The following USP43 variants were observed in gnomAD, a reference collection of about 807,000 sequenced individuals.
USP43 encodes ubiquitin carboxyl-terminal hydrolase 43.
A neutral mutation model predicts 90.7 loss-of-function variants in USP43; 33 were observed. That is an observed-to-expected ratio of 0.36 (90% CI 0.28 to 0.49). USP43 has a LOEUF of 0.49. Among genes scored for constraint, USP43 ranks in the 20% least tolerant of loss-of-function variants. The pLI is 0.98. For missense variants in USP43, 1,274 were observed against 1,476.4 expected, an observed-to-expected ratio of 0.86 and a Z score of 2.25; for synonymous variants, 598 against 615.8, an observed-to-expected ratio of 0.97 and a Z score of 0.43.
chr17:9,647,848 C>A (rs935906136), intron 1 of USP43, among the ~76,000 whole-genome samples: 8,008 of 81,834 alleles, frequency 0.098, 475 homozygotes, highest in East Asian at 0.11. Context: ...ACTAAAAATC[C>A]AAAAAAAAAA....
intron 2 of USP43, among the ~76,000 whole-genome samples, chr17:9,666,198 A>G (rs1445239081): frequency 6.6e-6 from 1 of 152,084 alleles, no homozygotes; most frequent in Non-Finnish European, 1.5e-5. Flanking sequence ...TGTGAAACTG[A>G]CTCCTGAGAA....
intron 5 of USP43, among the ~76,000 whole-genome samples, chr17:9,679,261 G>T (rs1477946390): frequency 6.6e-6 from 1 of 152,044 alleles, no homozygotes; most frequent in Non-Finnish European, 1.5e-5. Flanking sequence ...GAGTGCAGGG[G>T]TGTGATCATA....
rs929449651 is a variant in USP43, at chr17:9,695,941, G to A, written c.1457+2711G>A. On this transcript the variant is annotated intron_variant, in intron 9 of 14. Coordinates refer to ENST00000285199, the MANE Select transcript of USP43 (RefSeq NM_153210.5). ...TGAAGGTTCACCCATGTTGTAGCAC[G>A]CATTAGAATTTCCTTCCTTTTGAAG... Among the ~76,000 whole-genome samples the A allele has an allele frequency of 5.3e-5, 8 of 152,060 alleles. No individual in the cohort carries two copies. The East Asian group carries it at 7.7e-4, about 15-fold the overall frequency.
intron 13 of USP43, 121 bp downstream of exon 13, chr17:9,710,235 G>A (rs1190411720): frequency 1.1e-5 from 13 of 1,145,544 alleles, no homozygotes; most frequent in East Asian, 6.1e-5. Flanking sequence ...GAGGAAGCCC[G>A]GGATGCTGCT....
At chr17:9,699,085 A>G (rs1010185762) in intron 9 of USP43, among the ~76,000 whole-genome samples, 1 of 152,224 alleles carries the variant, frequency 6.6e-6, no homozygotes, top group Non-Finnish European at 1.5e-5. Flanking sequence ...AGCTGCTTCC[A>G]GGAAACGCAA....
intron 8 of USP43, among the ~76,000 whole-genome samples, chr17:9,690,258 A>C (rs1261632944): frequency 1.3e-5 from 2 of 152,134 alleles, no homozygotes; most frequent in Non-Finnish European, 2.9e-5. Flanking sequence ...AATTCAACCT[A>C]GGTTTCCTCC....
intron 8 of USP43, among the ~76,000 whole-genome samples, chr17:9,692,896 A>G (rs2151982986): frequency 6.6e-6 from 1 of 152,294 alleles, no homozygotes; most frequent in East Asian, 1.9e-4. Flanking sequence ...TTTGGGGGGA[A>G]GATGTAACAT....
At chr17:9,680,446 A>C in intron 6 of USP43, 80 bp downstream of exon 6, 1 of 1,509,042 alleles carries the variant, frequency 6.6e-7, no homozygotes, top group South Asian at 1.2e-5. Flanking sequence ...GTGCAAAGGC[A>C]TAAAACATCC....
At chr17:9,663,697 C>T (rs969474577) in intron 2 of USP43, among the ~76,000 whole-genome samples, 3 of 152,300 alleles carry the variant, frequency 2.0e-5, no homozygotes, top group Admixed American at 6.5e-5. Context: ...AATCTCGGCT[C>T]ACTGCAACCT....
chr17:9,667,832 T>G (rs1913144310), intron 3 of USP43, among the ~76,000 whole-genome samples: 1 of 152,208 alleles, frequency 6.6e-6, no homozygotes, highest in Non-Finnish European at 1.5e-5. Flanking sequence ...TGCCAATATA[T>G]ATAATCATGC....
intron 13 of USP43, among the ~76,000 whole-genome samples, chr17:9,710,731 G>A (rs752523505): frequency 1.3e-5 from 2 of 151,854 alleles, no homozygotes; most frequent in Non-Finnish European, 2.9e-5. Context: ...GGATGGTCTC[G>A]ATCTCTTGAC....
chr17:9,693,243 G>A lies in USP43; in HGVS notation c.1457+13G>A. 6.2e-7 allele frequency: 1 copy of A among 1,604,744 alleles called. No individual in the cohort carries two copies. Among genetic ancestry groups the A allele is most frequent in the Non-Finnish European group, 8.5e-7 (1 of 1,174,178 alleles). ...GGGCAGTTGACAGGTAAGGGGGAAGGTCCAGGTTCAGTCAGCTAATGAACC... is the reference window on the plus strand; with the variant it reads ...GGGCAGTTGACAGGTAAGGGGGAAGATCCAGGTTCAGTCAGCTAATGAACC... On this transcript the variant is annotated intron_variant, in intron 9 of 14. Coordinates refer to ENST00000285199, the MANE Select transcript of USP43 (RefSeq NM_153210.5).
intron 9 of USP43, among the ~76,000 whole-genome samples, chr17:9,698,211 T>C (rs773960625): frequency 6.6e-6 from 1 of 152,236 alleles, no homozygotes; most frequent in Non-Finnish European, 1.5e-5. Context: ...AAGTTCCTTA[T>C]ATATTCTGGA....
At chr17:9,689,748 G>C (rs2151981008) in intron 8 of USP43, among the ~76,000 whole-genome samples, 1 of 152,230 alleles carries the variant, frequency 6.6e-6, no homozygotes, top group Non-Finnish European at 1.5e-5. Flanking sequence ...GTAAACGGGG[G>C]TGTGTGAGGC....
rs984114930 is a variant in USP43, at chr17:9,680,310, G to C, written c.1049G>C (p.Gly350Ala). Residue 350 changes from glycine (G) to alanine (A), a missense_variant, in exon 6 of 15, where the codon GGA (glycine) becomes GCA (alanine). Gly to Ala is a moderately conservative substitution (Grantham distance 60). Coordinates refer to ENST00000285199, the MANE Select transcript of USP43 (RefSeq NM_153210.5). ...GAGGACCTGAATACCATCGCAGAGG[G>C]AGATAATGTGTATGCCTTTCAAGTT... ...DEEDLNTIAE[G>A]DNVYAFQVPP... 1 of 1,613,850 alleles carries C rather than the reference G, an allele frequency of 6.2e-7. No homozygotes were observed. The highest frequency in any genetic ancestry group is 8.5e-7 in the Non-Finnish European group (1 of 1,179,890).
At chr17:9,680,145 G>A (rs1914068694) in intron 5 of USP43, 86 bp from the exon 6 acceptor site, 1 of 1,469,974 alleles carries the variant, frequency 6.8e-7, no homozygotes, top group African/African-American at 1.4e-5. Context: ...TGAAAAATGG[G>A]TGTTGACTAT....
chr17:9,675,278 G>A (rs1479872500), intron 4 of USP43, among the ~76,000 whole-genome samples: 1 of 150,984 alleles, frequency 6.6e-6, no homozygotes, highest in African/African-American at 2.5e-5. Flanking sequence ...TAGTGAGACA[G>A]GGGCAAACTA....
At chr17:9,717,019 T>G (rs1916606987) in intron 14 of USP43, among the ~76,000 whole-genome samples, 1 of 152,038 alleles carries the variant, frequency 6.6e-6, no homozygotes, top group Non-Finnish European at 1.5e-5. Context: ...ACCTGTAATC[T>G]GAGCTACTCA....
intron 13 of USP43, 116 bp downstream of exon 13, chr17:9,710,230 A>G (rs1726768560): frequency 1.4e-5 from 16 of 1,183,176 alleles, no homozygotes; most frequent in Non-Finnish European, 1.6e-5. Context: ...TGAAAGAGGA[A>G]GCCCGGGATG....
Sources: allele counts gnomAD v4.1 joint callset (sites outside exome capture counted in the v4.1 genomes callset), GRCh38; gene constraint gnomAD v4.1.1; transcripts MANE v1.5; gene names NCBI Gene and HGNC (gene_info 2026-07-23, HGNC 2026-07-21).